The following NLRP1 variants were observed in gnomAD, a reference collection of about 807,000 sequenced individuals.
The protein encoded by NLRP1 is NLR family pyrin domain containing 1, also known as NACHT, LRR and PYD domains-containing protein 1.
Under a neutral mutation model 136.7 loss-of-function variants are expected in NLRP1, and 94 were observed. The observed-to-expected ratio is 0.69, with a 90% CI of 0.58 to 0.82. The LOEUF is 0.82. Ranked by LOEUF, NLRP1 falls within the 40% of genes least tolerant of loss-of-function variation. The pLI is 0.00. For missense variants in NLRP1, 1,575 were observed against 1,802.7 expected (o/e 0.87, Z 2.29); for synonymous variants, 690 against 725.1 (o/e 0.95, Z 0.78).
In NLRP1 at chr17:5,564,683, T is replaced by C. The variant is rs117776558; in HGVS notation, c.653-4640A>G. Among the ~76,000 whole-genome samples the C allele has an allele frequency of 7.2e-3, 1,094 of 152,168 alleles. 12 individuals carry two copies. Among genetic ancestry groups the C allele is most frequent in the Middle Eastern group, 0.024 (7 of 294 alleles). On this transcript the variant is annotated intron_variant, in intron 3 of 16. Transcript: ENST00000572272. ...TGCATGTATCTCTTCGATATTCTGA[T>C]TTCCTTTCTTTTGGATGTATACCCT...
At chr17:5,501,907 T>C (rs780427285) in intron 15 of NLRP1, 47 of 1,594,080 alleles carry the variant, frequency 2.9e-5, no homozygotes, top group South Asian at 4.4e-5. Flanking sequence ...TTGGATTTAT[T>C]TGAGTCCCAG....
intron 11 of NLRP1, among the ~76,000 whole-genome samples, chr17:5,532,287 A>C (rs1358792714): frequency 6.6e-6 from 1 of 152,222 alleles, no homozygotes; most frequent in African/African-American, 2.4e-5. Context: ...CACAACACCA[A>C]CTATAAGAAC....
At chr17:5,581,254 A>T (rs1905605843) in intron 3 of NLRP1, among the ~76,000 whole-genome samples, 1 of 152,118 alleles carries the variant, frequency 6.6e-6, no homozygotes, top group East Asian at 1.9e-4. Flanking sequence ...AGATGAGGGC[A>T]CTCCCTGTGT....
At chr17:5,501,641 A>T in exon 16 of NLRP1, 1 of 566,898 alleles carries the variant, frequency 1.8e-6, no homozygotes, top group Non-Finnish European at 3.2e-6. Flanking sequence ...CTCTTCACCC[A>T]CAAAAGCAGG....
intron 6 of NLRP1, among the ~76,000 whole-genome samples, chr17:5,540,189 G>T (rs949960068): frequency 6.6e-6 from 1 of 152,198 alleles, no homozygotes; most frequent in Admixed American, 6.5e-5. Flanking sequence ...AAACATGATG[G>T]TAAGTCCATG....
At chr17:5,556,564 G>A (rs977605026) in intron 4 of NLRP1, among the ~76,000 whole-genome samples, 6 of 151,540 alleles carry the variant, frequency 4.0e-5, no homozygotes, top group African/African-American at 1.2e-4. Context: ...GTACAATATG[G>A]TTCGATTTCG....
chr17:5,559,740 C>A lies in NLRP1; in HGVS notation c.956G>T (p.Gly319Val). The change falls in exon 4 of 17, where the codon GGC becomes GTC. Residue 319 changes from glycine (G) to valine (V), a missense_variant. Coordinates refer to ENST00000572272, the MANE Select transcript of NLRP1 (RefSeq NM_033004.4). ...GHLIEIRDLF[G>V]PGLDTQEPRI... is the part of the protein sequence containing the mutation. ...AGGTTCTTGGGTATCCAGGCCTGGGCCAAATAAGTCTCTGATCTCAATTAA... is the reference window on the plus strand; with the variant it reads ...AGGTTCTTGGGTATCCAGGCCTGGGACAAATAAGTCTCTGATCTCAATTAA... The A allele has an allele frequency of 6.2e-7, 1 of 1,614,256 alleles. No homozygotes were observed. Among genetic ancestry groups the A allele is most frequent in the East Asian group, 2.2e-5 (1 of 44,886 alleles).
intron 4 of NLRP1, among the ~76,000 whole-genome samples, chr17:5,554,260 C>T (rs12942057): frequency 0.068 from 10,336 of 152,156 alleles, 462 homozygotes; most frequent in African/African-American, 0.12. Context: ...GAAGAGATGA[C>T]GGGCTTTGTC....
At position 5,530,788 on chromosome 17, in the gene NLRP1, C is replaced by A; in HGVS notation, c.3297-84G>T. On this transcript the variant is annotated intron_variant, in intron 11 of 16. Coordinates refer to ENST00000572272, the MANE Select transcript of NLRP1 (RefSeq NM_033004.4). ...ATGCCAGACCCCATGCAGGGGCTTG[C>A]GGATACGGTACAGTGGCTTCAAGCC... 3.9e-6 allele frequency: 4 copies of A among 1,032,624 alleles called. 1 individual carries two copies. Among genetic ancestry groups the A allele is most frequent in the South Asian group, 2.7e-5 (2 of 74,638 alleles). 64.0% of individuals were successfully genotyped at this position (1,032,624 alleles called of 1,614,324 possible). A position where few individuals can be genotyped will look rare whatever the true frequency, so the allele number is the denominator to read the frequency against.
chr17:5,510,253 T>C (rs1218255268), downstream of NLRP1, among the ~76,000 whole-genome samples: 2 of 152,112 alleles, frequency 1.3e-5, no homozygotes, highest in Non-Finnish European at 1.5e-5. Flanking sequence ...TGGAGTGCAG[T>C]GGCATGATTA....
chr17:5,508,396 C>T (rs1393778499), intron 15 of NLRP1, among the ~76,000 whole-genome samples: 2 of 152,316 alleles, frequency 1.3e-5, no homozygotes, highest in African/African-American at 4.8e-5. Context: ...AGTGATCCTC[C>T]TTCTTGGCTT....
At chr17:5,570,116 T>C (rs1915720081) in intron 3 of NLRP1, among the ~76,000 whole-genome samples, 1 of 151,650 alleles carries the variant, frequency 6.6e-6, no homozygotes, top group Non-Finnish European at 1.5e-5. Context: ...GATAAAGCAG[T>C]GGAAAGTTTA....
intron 4 of NLRP1, among the ~76,000 whole-genome samples, chr17:5,555,217 C>G (rs1401258809): frequency 2.0e-5 from 3 of 152,174 alleles, no homozygotes; most frequent in Non-Finnish European, 4.4e-5. Context: ...TGAAAATGCA[C>G]AATGCTTAAT....
intron 4 of NLRP1, among the ~76,000 whole-genome samples, chr17:5,556,159 C>CATAT (rs1412486653): frequency 7.8e-6 from 1 of 127,742 alleles, no homozygotes; most frequent in African/African-American, 3.3e-5. Flanking sequence ...CACACACACA[C>CATAT]ACATGAAGGG....
At chr17:5,510,756 G>A (rs1166620407), downstream of NLRP1, among the ~76,000 whole-genome samples, 1 of 152,070 alleles carries the variant, frequency 6.6e-6, no homozygotes, top group Admixed American at 6.6e-5. Context: ...CAAACTCCTG[G>A]TCTCAATAGA....
downstream of NLRP1, among the ~76,000 whole-genome samples, chr17:5,512,721 T>C (rs919306693): frequency 2.1e-5 from 3 of 142,508 alleles, no homozygotes; most frequent in African/African-American, 7.8e-5. Context: ...GACATTCTTA[T>C]CATTTTTGAA....
rs1597389771 is a variant in NLRP1, at chr17:5,514,337, C to T, written c.*417G>A. The T allele has an allele frequency of 1.0e-6, 1 of 956,816 alleles. No individual in the cohort carries two copies. Among genetic ancestry groups the T allele is most frequent in the East Asian group, 7.9e-5 (1 of 12,618 alleles). 59.3% of individuals were successfully genotyped at this position (956,816 alleles called of 1,614,324 possible). On this transcript the variant is annotated 3_prime_UTR_variant, in exon 17 of 17. Transcript: ENST00000572272. ...GCTTGCTCTTGTAGATCTTCCTGTA[C>T]AAAGCCAAGAATCCACGTGGCCTCC...
intron 12 of NLRP1, chr17:5,529,876 T>A (rs941902180): frequency 4.8e-6 from 2 of 418,244 alleles, no homozygotes; most frequent in South Asian, 3.4e-5. Flanking sequence ...GGCTCTTACT[T>A]CTGGTGCCTT....
intron 13 of NLRP1, 31 bp downstream of exon 13, chr17:5,521,493 G>A (rs201278140): frequency 6.2e-6 from 10 of 1,602,174 alleles, no homozygotes; most frequent in Admixed American, 1.7e-5. Flanking sequence ...TCAACCCACC[G>A]TGGCCCAGCC....
Sources: gnomAD v4.1 joint callset for allele counts (sites outside exome capture counted in the v4.1 genomes callset) on GRCh38, gnomAD v4.1.1 for gene constraint, MANE v1.5 for transcripts, NCBI Gene and HGNC (gene_info 2026-07-23, HGNC 2026-07-21) for gene names.